Variants in BAALC observed in about 807,000 individuals in gnomAD.
The protein encoded by BAALC is BAALC binder of MAP3K1 and KLF4.
BAALC carries 9 observed loss-of-function variants against 15.5 expected under a neutral mutation model. That is an observed-to-expected ratio of 0.58 (90% CI 0.35 to 1.02). BAALC has a LOEUF of 1.02. Ranked by LOEUF, BAALC falls within the 50% of genes least tolerant of loss-of-function variation. The probability of loss-of-function intolerance (pLI) is 0.02; values close to 1 mark genes in which losing one functional copy is unlikely to be tolerated. For synonymous variants in BAALC, 80 were observed against 74.6 expected (o/e 1.07, Z -0.37); for missense variants, 201 against 192.4 (o/e 1.04, Z -0.27).
At chr8:103,227,397 G>C (rs549756863) in intron 2 of BAALC, among the ~76,000 whole-genome samples, 8 of 152,122 alleles carry the variant, frequency 5.3e-5, no homozygotes, top group Admixed American at 6.5e-5. Flanking sequence ...CTTCCAGGGG[G>C]ACTCCCTCAC....
intron 1 of BAALC, among the ~76,000 whole-genome samples, chr8:103,155,633 G>GAAT (rs1811074851): frequency 6.6e-6 from 1 of 152,270 alleles, no homozygotes; most frequent in Admixed American, 6.5e-5. Flanking sequence ...AGCAGCTGGA[G>GAAT]AATCTGGTGC....
At chr8:103,218,208 C>T (rs1812604136) in intron 2 of BAALC, among the ~76,000 whole-genome samples, 2 of 152,200 alleles carry the variant, frequency 1.3e-5, no homozygotes, top group Non-Finnish European at 2.9e-5. Context: ...TCCCTCCAAT[C>T]CCCCCGCCTT....
chr8:103,183,542 T>C, intron 1 of BAALC: 2 of 681,756 alleles, frequency 2.9e-6, no homozygotes, highest in Non-Finnish European at 5.4e-6. Context: ...CCAGGTAATC[T>C]ATAGCTTGGG....
chr8:103,208,770 C>T (rs1812385989), intron 1 of BAALC, among the ~76,000 whole-genome samples: 1 of 152,184 alleles, frequency 6.6e-6, no homozygotes, highest in African/African-American at 2.4e-5. Flanking sequence ...CTGCTGCCTG[C>T]TCTTGATCCT....
At chr8:103,185,334 A>G (rs772465307) in intron 1 of BAALC, among the ~76,000 whole-genome samples, 1 of 151,778 alleles carries the variant, frequency 6.6e-6, no homozygotes. Context: ...GGGCCCATAA[A>G]ATTCTTCAAA....
At chr8:103,193,295 T>G (rs1259874889) in intron 1 of BAALC, among the ~76,000 whole-genome samples, 1 of 152,276 alleles carries the variant, frequency 6.6e-6, no homozygotes, top group East Asian at 1.9e-4. Flanking sequence ...GCTCAACCTC[T>G]GATCTCCTGG....
intron 1 of BAALC, among the ~76,000 whole-genome samples, chr8:103,187,361 G>A (rs1413453668): frequency 1.3e-5 from 2 of 152,120 alleles, no homozygotes; most frequent in East Asian, 1.9e-4. Flanking sequence ...GCATCCAGTC[G>A]GGTAGAGACC....
chr8:103,147,382 A>G (rs1295944120), intron 1 of BAALC, among the ~76,000 whole-genome samples: 1 of 152,250 alleles, frequency 6.6e-6, no homozygotes, highest in African/African-American at 2.4e-5. Context: ...ACTCAACTGT[A>G]TATTTTTAAA....
intron 1 of BAALC, among the ~76,000 whole-genome samples, chr8:103,187,280 A>T (rs893076708): frequency 5.3e-5 from 8 of 152,114 alleles, no homozygotes; most frequent in Admixed American, 3.9e-4. Flanking sequence ...GTGGTTCTCA[A>T]CTGGTGGCTT....
Position 103,140,798 on chromosome 8 carries a change from C to G in BAALC, c.-100C>G. 1 of 1,128,488 alleles carries G rather than the reference C, an allele frequency of 8.9e-7. No individual in the cohort carries two copies. The highest frequency in any genetic ancestry group is 1.1e-6 in the Non-Finnish European group (1 of 895,384). The allele number at this position is 1,128,488 out of a possible 1,614,324, so 69.9% of individuals were successfully genotyped here. On this transcript the variant is annotated 5_prime_UTR_variant, in exon 1 of 3. Transcript: ENST00000309982. The surrounding 1 kb of genome is among the most constrained non-coding windows in gnomAD (Gnocchi z 4.2). ...GGCGGGAGCGGGGACGCGATGTCGC[C>G]GCCGCCGCCTCCTTGCGGGCCGGGG...
intron 1 of BAALC, among the ~76,000 whole-genome samples, chr8:103,170,677 T>G (rs957954713): frequency 1.3e-5 from 2 of 152,246 alleles, no homozygotes; most frequent in Non-Finnish European, 2.9e-5. Context: ...TTCAGACTTC[T>G]AGCTCCCAGA....
chr8:103,153,073 G>A (rs1300764745), intron 1 of BAALC: 1 of 152,222 alleles, frequency 6.6e-6, no homozygotes, highest in Non-Finnish European at 1.5e-5. Flanking sequence ...ACCCTATATT[G>A]ACCAGGCATT....
chr8:103,220,514 G>A (rs150910399), intron 2 of BAALC, among the ~76,000 whole-genome samples: 93 of 152,232 alleles, frequency 6.1e-4, no homozygotes, highest in African/African-American at 2.2e-3. Context: ...TATGCGACAG[G>A]CACTAAATTA....
chr8:103,175,960 A>G (rs1370665035), intron 1 of BAALC, among the ~76,000 whole-genome samples: 1 of 152,246 alleles, frequency 6.6e-6, no homozygotes, highest in Non-Finnish European at 1.5e-5. Context: ...TTCGAGATAT[A>G]AAAGAAGCTG....
At chr8:103,170,613 G>A (rs1440699612) in intron 1 of BAALC, among the ~76,000 whole-genome samples, 1 of 152,162 alleles carries the variant, frequency 6.6e-6, no homozygotes, top group Non-Finnish European at 1.5e-5. Context: ...AGGAGAGGGT[G>A]TGGAACTGAT....
rs556246388 is a variant in BAALC, at chr8:103,224,214, TA to T, written c.328-3771del. 2.7e-3 allele frequency among the ~76,000 whole-genome samples: 410 copies of T among 152,232 alleles called. 3 individuals are homozygous for T. The highest frequency in any genetic ancestry group is 9.3e-3 in the African/African-American group (387 of 41,524). ...TGTTGATGAAAAGAGTCAAACTCTG[TA>T]AAATATTTGAAGAGATTTATTCTGA... On this transcript the variant is annotated intron_variant, in intron 2 of 2. Transcript: ENST00000309982.
chr8:103,218,269 A>G (rs1479265561), intron 2 of BAALC, among the ~76,000 whole-genome samples: 1 of 151,954 alleles, frequency 6.6e-6, no homozygotes, highest in Non-Finnish European at 1.5e-5. Flanking sequence ...GGCAAAAATG[A>G]TCTTTCATAA....
intron 1 of BAALC, among the ~76,000 whole-genome samples, chr8:103,196,012 T>G (rs941095440): frequency 1.4e-4 from 21 of 152,052 alleles, no homozygotes; most frequent in Non-Finnish European, 2.1e-4. Context: ...AAATTCATGT[T>G]TAAGTCAAGA....
chr8:103,198,722 G>A (rs1393375943), intron 1 of BAALC, among the ~76,000 whole-genome samples: 2 of 151,992 alleles, frequency 1.3e-5, no homozygotes, highest in Admixed American at 6.6e-5. Context: ...GGGGCAACAT[G>A]GTGAAACCCT....
Sources: gnomAD v4.1 joint callset for allele counts (sites outside exome capture counted in the v4.1 genomes callset) on GRCh38, gnomAD v4.1.1 for gene constraint, Gnocchi (gnomAD v3.1) non-coding constraint, MANE v1.5 for transcripts, NCBI Gene and HGNC (gene_info 2026-07-23, HGNC 2026-07-21) for gene names.